The following FKBP11 variants were observed in gnomAD, a reference collection of about 807,000 sequenced individuals.
FKBP11 encodes peptidyl-prolyl cis-trans isomerase FKBP11.
In FKBP11, 21 loss-of-function variants were observed where a neutral mutation model predicts 24.7. The observed-to-expected ratio is 0.85, with a 90% confidence interval of 0.60 to 1.23. The LOEUF is 1.23. Ranked by LOEUF, FKBP11 falls within the 50% of genes most tolerant of loss-of-function variation. The probability of loss-of-function intolerance (pLI) is 0.00; values close to 1 mark genes in which losing one functional copy is unlikely to be tolerated. For synonymous variants in FKBP11, 106 were observed against 100.6 expected, an observed-to-expected ratio of 1.05 and a Z score of -0.32; for missense variants, 245 against 248.7, an observed-to-expected ratio of 0.99 and a Z score of 0.10.
intron 5 of FKBP11, chr12:48,923,558 G>A (rs975994827): frequency 4.5e-6 from 7 of 1,551,528 alleles, no homozygotes; most frequent in Non-Finnish European, 6.1e-6. Context: ...CAAGTTACTG[G>A]CTGCTGGAGG....
At chr12:48,924,987 G>T (rs1481011073) in intron 2 of FKBP11, 59 bp downstream of exon 2, 8 of 1,560,962 alleles carry the variant, frequency 5.1e-6, no homozygotes, top group Non-Finnish European at 6.9e-6. Flanking sequence ...CAAAGCTGAC[G>T]TGTTTCAGCA....
chr12:48,924,717 C>T (rs1295266376), intron 2 of FKBP11, 69 bp from the exon 3 acceptor site: 2 of 1,588,246 alleles, frequency 1.3e-6, no homozygotes, highest in Non-Finnish European at 1.7e-6. Flanking sequence ...GCAACACACA[C>T]CTGGACCGCT....
chr12:48,933,522 T>C, the FKBP11 span, among the ~76,000 whole-genome samples: 2 of 151,996 alleles, frequency 1.3e-5, no homozygotes, highest in Admixed American at 1.3e-4. Context: ...GCCAACATGG[T>C]GAAACCCCAT....
the FKBP11 span, among the ~76,000 whole-genome samples, chr12:48,932,245 ATATATATATATATATATTTTTTTTT>A: frequency 7.6e-5 from 3 of 39,656 alleles, no homozygotes; most frequent in Non-Finnish European, 1.4e-4. Flanking sequence ...ATATATATAT[ATATATATATATATATATTTTTTTTT>A]TTTTTTTTTT....
Position 48,924,995 on chromosome 12 carries a change from G to A in FKBP11, c.195+51C>T. On this transcript the variant is annotated intron_variant, in intron 2 of 5. Transcript: ENST00000550765. ...TCCAAGCCAAAGCTGACGTGTTTCA[G>A]CAGGGCGCCGCCCCCTCCCAGGCCC... 3 of 1,571,188 alleles carry A rather than the reference G, an allele frequency of 1.9e-6. No individual in the cohort carries two copies. The South Asian group carries it at 3.5e-5, about 18-fold the overall frequency.
In FKBP11 at chr12:48,924,243, A is replaced by G; in HGVS notation, c.297T>C (p.Ser99=). ...CTCACCCCACACACATGTCGAGAAG[A>G]CTCTGCTCCAGACCTTGAAGAAGAA... ...QKQVIPGLEQ[S]LLDMCVGEKR... Residue 99 remains serine (S), a synonymous_variant, in exon 4 of 6, where the codon AGT becomes AGC. Coordinates refer to ENST00000550765, the MANE Select transcript of FKBP11 (RefSeq NM_016594.3). The G allele has an allele frequency of 1.2e-6, 2 of 1,614,090 alleles. No individual in the cohort carries two copies. The highest frequency in any genetic ancestry group is 1.7e-6 in the Non-Finnish European group (2 of 1,180,006).
chr12:48,929,196 C>T (rs1040626327), upstream of FKBP11, among the ~76,000 whole-genome samples: 1 of 151,784 alleles, frequency 6.6e-6, no homozygotes, highest in African/African-American at 2.4e-5. Flanking sequence ...CCTGTAATCC[C>T]AACATTTTTG....
At chr12:48,926,638 C>T (rs1355828371), upstream of FKBP11, among the ~76,000 whole-genome samples, 1 of 145,874 alleles carries the variant, frequency 6.9e-6, no homozygotes, top group Non-Finnish European at 1.5e-5. Context: ...GGACTACAGG[C>T]ATGCGCCACC....
At chr12:48,932,220 CAT>C in the FKBP11 span, among the ~76,000 whole-genome samples, 3 of 43,634 alleles carry the variant, frequency 6.9e-5, no homozygotes, top group African/African-American at 2.9e-4. Context: ...ATCATATAAA[CAT>C]ATATTTATAT....
In FKBP11 at chr12:48,924,304, A is replaced by C. The variant is rs753398083; in HGVS notation, c.284-48T>G. 3 of 1,611,350 alleles carry C rather than the reference A, an allele frequency of 1.9e-6. No homozygotes were observed. The African/African-American group carries it at 4.0e-5, about 22-fold the overall frequency. On this transcript the variant is annotated intron_variant, in intron 3 of 5. Coordinates refer to ENST00000550765, the MANE Select transcript of FKBP11 (RefSeq NM_016594.3). ...AACTGGAAGCTATCCACCTTCCCCA[A>C]ATCCCATGACATGAAGATCAAAGTC...
chr12:48,924,050 C>CG, intron 4 of FKBP11, 173 bp downstream of exon 4: 1 of 886,634 alleles, frequency 1.1e-6, no homozygotes, highest in Non-Finnish European at 1.9e-6. Flanking sequence ...AAAGCAACAG[C>CG]GCAAGAGGCA....
chr12:48,923,771 A>T lies in FKBP11; in HGVS notation c.388+11T>A. The stretch of plus-strand genomic sequence containing the variant: ...TTTTGATGGCCTGAGAGAGAGTCCT[A>T]GTCAGATTACCTGGGACAGATGGTG... On this transcript the variant is annotated intron_variant, in intron 5 of 5. Coordinates refer to ENST00000550765, the MANE Select transcript of FKBP11 (RefSeq NM_016594.3). The T allele has an allele frequency of 8.1e-6, 13 of 1,613,068 alleles. No homozygotes were observed. The highest frequency in any genetic ancestry group is 1.1e-5 in the Non-Finnish European group (13 of 1,179,048).
chr12:48,925,271 G>C, intron 1 of FKBP11, 29 bp downstream of exon 1: 8 of 1,607,826 alleles, frequency 5.0e-6, no homozygotes, highest in Middle Eastern at 1.7e-4. Context: ...TCGGCCCACG[G>C]GGGCTGAGGG....
upstream of FKBP11, chr12:48,931,328 C>A: frequency 2.5e-6 from 3 of 1,202,456 alleles, no homozygotes; most frequent in South Asian, 4.0e-5. Context: ...TGTTCAGGAA[C>A]CTGAAGGGGA....
chr12:48,934,886 C>T, the FKBP11 span, among the ~76,000 whole-genome samples: 5 of 151,882 alleles, frequency 3.3e-5, no homozygotes, highest in Non-Finnish European at 7.4e-5. Context: ...GTGGCGCATG[C>T]CTGTAATCCC....
intron 5 of FKBP11, chr12:48,922,999 T>G (rs1347680248): frequency 1.3e-6 from 1 of 775,688 alleles, no homozygotes; most frequent in Non-Finnish European, 1.8e-6. Flanking sequence ...AAGTATAAAA[T>G]TAGCCGGTCG....
upstream of FKBP11, chr12:48,925,625 A>G: frequency 1.5e-6 from 1 of 656,790 alleles, no homozygotes; most frequent in Middle Eastern, 4.2e-4. Context: ...CGCCCTCTGT[A>G]CCCTCCAAGA....
intron 3 of FKBP11, 25 bp downstream of exon 3, chr12:48,924,536 G>A: frequency 6.3e-7 from 1 of 1,598,666 alleles, no homozygotes; most frequent in Non-Finnish European, 8.6e-7. Flanking sequence ...GGGAAGAGGT[G>A]GAATGGGAGG....
At chr12:48,922,257 A>C in intron 5 of FKBP11, 56 bp from the exon 6 acceptor site, 3 of 1,511,758 alleles carry the variant, frequency 2.0e-6, no homozygotes, top group Non-Finnish European at 2.7e-6. Context: ...TCCAGGGCTC[A>C]GAATCTGAAT....
Sources: allele counts gnomAD v4.1 joint callset (sites outside exome capture counted in the v4.1 genomes callset), GRCh38; gene constraint gnomAD v4.1.1; transcripts MANE v1.5; gene names NCBI Gene and HGNC (gene_info 2026-07-23, HGNC 2026-07-21).